Variants in MIR2052HG observed in about 807,000 individuals in gnomAD.
MIR2052HG encodes the protein MIR2052 host gene.
chr8:74,729,938 G>A (rs1286488478), intron 4 of MIR2052HG, among the ~76,000 whole-genome samples: 1 of 152,140 alleles, frequency 6.6e-6, no homozygotes, highest in African/African-American at 2.4e-5. Context: ...GTGACTATAG[G>A]AAAAGAAATA....
At chr8:74,611,496 A>G (rs1298145419) in intron 1 of MIR2052HG, among the ~76,000 whole-genome samples, 2 of 152,206 alleles carry the variant, frequency 1.3e-5, no homozygotes, top group Non-Finnish European at 2.9e-5. Context: ...GGCCATGTGA[A>G]TAGTATTTGT....
chr8:74,659,797 A>G (rs1023378168), intron 2 of MIR2052HG, among the ~76,000 whole-genome samples: 5 of 152,150 alleles, frequency 3.3e-5, no homozygotes, highest in African/African-American at 4.8e-5. Flanking sequence ...CTTCCTCTTT[A>G]TAGCACTTAC....
intron 5 of MIR2052HG, among the ~76,000 whole-genome samples, chr8:74,756,232 A>C (rs1809999088): frequency 6.6e-6 from 1 of 152,162 alleles, no homozygotes; most frequent in African/African-American, 2.4e-5. Flanking sequence ...ATGGAATGCA[A>C]ATTTTCTGTC....
At chr8:74,645,931 T>C (rs985867301) in intron 2 of MIR2052HG, among the ~76,000 whole-genome samples, 1 of 152,226 alleles carries the variant, frequency 6.6e-6, no homozygotes, top group African/African-American at 2.4e-5. Flanking sequence ...TGGTTTTTAC[T>C]ACCTCCTGAT....
rs1808445079 is a variant in MIR2052HG, at chr8:74,626,930, C to T, written n.216+13990C>T. Among the ~76,000 whole-genome samples, 5 of 152,326 alleles carry T rather than the reference C, an allele frequency of 3.3e-5. 1 individual carries two copies. The South Asian group carries it at 1.0e-3, about 32-fold the overall frequency. ...TTTCTTAGGAAAAAGAACAGAAATC[C>T]TTAATATGGCTTTAAAGTTTTTATG... On this transcript the variant is annotated intron_variant and non_coding_transcript_variant, in intron 2 of 6. Coordinates refer to ENST00000523442, the Ensembl canonical transcript of MIR2052HG.
chr8:74,678,133 G>C (rs1328572694), intron 2 of MIR2052HG, among the ~76,000 whole-genome samples: 1 of 152,126 alleles, frequency 6.6e-6, no homozygotes, highest in Non-Finnish European at 1.5e-5. Context: ...CCTAAAATCA[G>C]TAATTAATTG....
rs901881064 is a variant in MIR2052HG at position 74,743,111 on chromosome 8, CA to C, written n.372-9323del. Among the ~76,000 whole-genome samples, 53 of 151,064 alleles carry C rather than the reference CA, an allele frequency of 3.5e-4. 1 individual carries two copies. In the East Asian group the frequency reaches 9.2e-3, roughly 26 times the overall value. On this transcript the variant is annotated intron_variant and non_coding_transcript_variant, in intron 4 of 6. Coordinates refer to ENST00000523442, the Ensembl canonical transcript of MIR2052HG. ...CAAAAAAACACCAAAAAACAAAAAACAAAAAAACAGCAAGGAGGCTTTTGGA... is the reference window on the plus strand; with the variant it reads ...CAAAAAAACACCAAAAAACAAAAAACAAAAAACAGCAAGGAGGCTTTTGGA...
chr8:74,691,909 A>C (rs1809243160), intron 2 of MIR2052HG, among the ~76,000 whole-genome samples: 1 of 152,046 alleles, frequency 6.6e-6, no homozygotes, highest in Admixed American at 6.5e-5. Context: ...TTTAGCCCCA[A>C]CCAAACCCAA....
intron 2 of MIR2052HG, among the ~76,000 whole-genome samples, chr8:74,640,837 T>C (rs1808632170): frequency 6.6e-6 from 1 of 152,198 alleles, no homozygotes; most frequent in South Asian, 2.1e-4. Context: ...GCTTTTGCCT[T>C]AGCTTACTTC....
At chr8:74,670,400 A>G (rs189502465) in intron 2 of MIR2052HG, among the ~76,000 whole-genome samples, 3 of 152,168 alleles carry the variant, frequency 2.0e-5, no homozygotes, top group African/African-American at 7.2e-5. Context: ...TATATATCTA[A>G]AGAAACTCCC....
intron 2 of MIR2052HG, among the ~76,000 whole-genome samples, chr8:74,643,737 G>A (rs16938930): frequency 0.024 from 3,650 of 151,986 alleles, 136 homozygotes; most frequent in African/African-American, 0.079. Context: ...TCCCTTGTAC[G>A]GACAGCTCTC....
At chr8:74,691,671 G>A (rs1034860316) in intron 2 of MIR2052HG, among the ~76,000 whole-genome samples, 2 of 152,170 alleles carry the variant, frequency 1.3e-5, no homozygotes, top group Non-Finnish European at 2.9e-5. Flanking sequence ...ATAGAAAGAT[G>A]TAAAAAGATT....
At chr8:74,627,459 A>G (rs1443462752) in intron 2 of MIR2052HG, among the ~76,000 whole-genome samples, 1 of 152,238 alleles carries the variant, frequency 6.6e-6, no homozygotes, top group Non-Finnish European at 1.5e-5. Context: ...CTGAGAAGAA[A>G]TAATGCCAGT....
chr8:74,657,863 A>C (rs1221928158), intron 2 of MIR2052HG, among the ~76,000 whole-genome samples: 1 of 152,090 alleles, frequency 6.6e-6, no homozygotes, highest in Non-Finnish European at 1.5e-5. Context: ...TTGGGTGGGG[A>C]TACAGCCAAA....
chr8:74,746,251 C>T (rs1010703332), intron 4 of MIR2052HG, among the ~76,000 whole-genome samples: 3 of 152,134 alleles, frequency 2.0e-5, no homozygotes, highest in African/African-American at 7.2e-5. Context: ...AGAAATTGTT[C>T]AAGCATCAGA....
At chr8:74,711,459 A>C (rs1163890712) in intron 4 of MIR2052HG, among the ~76,000 whole-genome samples, 1 of 152,206 alleles carries the variant, frequency 6.6e-6, no homozygotes, top group Non-Finnish European at 1.5e-5. Context: ...CACTCCATAC[A>C]TGTTGAGTTG....
At chr8:74,715,811 G>C (rs1206039407) in intron 4 of MIR2052HG, among the ~76,000 whole-genome samples, 1 of 152,186 alleles carries the variant, frequency 6.6e-6, no homozygotes, top group Non-Finnish European at 1.5e-5. Context: ...AAAATTATGG[G>C]AAGGATTGTA....
intron 4 of MIR2052HG, among the ~76,000 whole-genome samples, chr8:74,717,514 A>G (rs575939124): frequency 1.3e-5 from 2 of 152,280 alleles, no homozygotes; most frequent in African/African-American, 4.8e-5. Flanking sequence ...CTAATATTTG[A>G]GAGATAATTA....
chr8:74,734,514 C>T (rs963993681), intron 4 of MIR2052HG, among the ~76,000 whole-genome samples: 3 of 152,222 alleles, frequency 2.0e-5, no homozygotes, highest in Middle Eastern at 3.2e-3. Flanking sequence ...AAGATCAGAT[C>T]TGGCTCAGGA....
Sources: allele counts gnomAD v4.1 joint callset (sites outside exome capture counted in the v4.1 genomes callset), GRCh38; gene constraint gnomAD v4.1.1; transcripts MANE v1.5; gene names NCBI Gene and HGNC (gene_info 2026-07-23, HGNC 2026-07-21).